Variants in GRIK4 observed in about 807,000 individuals in gnomAD.
GRIK4 encodes glutamate ionotropic receptor kainate type subunit 4, also known as glutamate receptor ionotropic, kainate 4.
A neutral mutation model predicts 104.9 loss-of-function variants in GRIK4; 40 were observed. That is an observed-to-expected ratio of 0.38 (90% CI 0.30 to 0.50). GRIK4 has a LOEUF of 0.50. Among genes scored for constraint, GRIK4 ranks in the 20% least tolerant of loss-of-function variants. The probability of loss-of-function intolerance (pLI) is 0.93; values close to 1 mark genes in which losing one functional copy is unlikely to be tolerated. For missense variants in GRIK4, 1,047 were observed against 1,308.1 expected, an observed-to-expected ratio of 0.80 and a Z score of 3.08; for synonymous variants, 485 against 524.9, an observed-to-expected ratio of 0.92 and a Z score of 1.04.
intron 3 of GRIK4, among the ~76,000 whole-genome samples, chr11:120,677,281 C>T (rs1950113318): frequency 6.6e-6 from 1 of 152,158 alleles, no homozygotes; most frequent in African/African-American, 2.4e-5. Context: ...GTGTGGGCTC[C>T]GCTGGGCTCC....
At position 120,609,549 on chromosome 11, in the gene GRIK4, CAG is replaced by C. The variant is rs572040641; in HGVS notation, c.-158-44133_-158-44132del. Reference sequence around the variant, plus strand: ...TTTTTTTTTTTTTTTTTTTTTGAGACAGAGTTTTGCTCTGTTGCCCAGGCTGG... The same window carrying C: ...TTTTTTTTTTTTTTTTTTTTTGAGACAGTTTTGCTCTGTTGCCCAGGCTGG... On this transcript the variant is annotated intron_variant, in intron 1 of 20. Transcript: ENST00000527524. Among the ~76,000 whole-genome samples, 146 of 81,114 alleles carry C rather than the reference CAG, an allele frequency of 1.8e-3. 1 individual carries two copies. In the South Asian group the frequency reaches 0.022, roughly 12 times the overall value. 53.2% of individuals were successfully genotyped at this position (81,114 alleles called of 152,430 possible). A position where few individuals can be genotyped will look rare whatever the true frequency, so the allele number is the denominator to read the frequency against.
chr11:120,595,745 TC>T (rs1211843151), intron 1 of GRIK4, among the ~76,000 whole-genome samples: 5 of 152,218 alleles, frequency 3.3e-5, no homozygotes, highest in Non-Finnish European at 7.3e-5. Context: ...TTCCACTTCT[TC>T]CTGGAAGCAT....
At chr11:120,774,758 A>G (rs1047151223) in intron 3 of GRIK4, among the ~76,000 whole-genome samples, 1 of 152,184 alleles carries the variant, frequency 6.6e-6, no homozygotes, top group Admixed American at 6.5e-5. Flanking sequence ...GAAAGATATC[A>G]GGGTGGCTGG....
intron 3 of GRIK4, among the ~76,000 whole-genome samples, chr11:120,722,070 T>C (rs1320599532): frequency 1.3e-5 from 2 of 152,176 alleles, no homozygotes; most frequent in Non-Finnish European, 2.9e-5. Context: ...TGTCTGGGCC[T>C]GGGGTCCAGT....
intron 1 of GRIK4, among the ~76,000 whole-genome samples, chr11:120,545,623 T>G (rs893026753): frequency 2.0e-5 from 3 of 152,230 alleles, no homozygotes; most frequent in African/African-American, 7.2e-5. Context: ...GATTTTAATA[T>G]GCACCATTTG....
intron 3 of GRIK4, among the ~76,000 whole-genome samples, chr11:120,747,540 G>A (rs1349170689): frequency 6.6e-6 from 1 of 152,204 alleles, no homozygotes; most frequent in Non-Finnish European, 1.5e-5. Flanking sequence ...GTAGTTTGAG[G>A]CTGATGAAAA....
intron 13 of GRIK4, among the ~76,000 whole-genome samples, chr11:120,928,058 T>G (rs1943391895): frequency 6.6e-6 from 1 of 151,508 alleles, no homozygotes; most frequent in African/African-American, 2.4e-5. Context: ...CTACTAAACA[T>G]ACAAAAATTA....
Position 120,905,536 on chromosome 11 carries a change from A to AG in GRIK4, c.1476+46dup. ...GATCTGGGCCTGAGGGTGGGCTGGGAGGGATTGGAAGAGCATGAGGTTGTG... is the reference window on the plus strand; with the variant it reads ...GATCTGGGCCTGAGGGTGGGCTGGGAGGGGATTGGAAGAGCATGAGGTTGTG... On this transcript the variant is annotated intron_variant, in intron 13 of 20. Coordinates refer to ENST00000527524, the MANE Select transcript of GRIK4 (RefSeq NM_014619.5). This position sits in a 1 kb window ranked among gnomAD's most constrained non-coding sequence, Gnocchi z 5.1. The AG allele has an allele frequency of 4.4e-6, 2 of 458,748 alleles. No individual in the cohort carries two copies. Among genetic ancestry groups the AG allele is most frequent in the Admixed American group, 2.2e-5 (1 of 45,236 alleles). The allele number at this position is 458,748 out of a possible 1,614,324, so 28.4% of individuals were successfully genotyped here.
At chr11:120,530,286 G>A (rs563250567) in intron 1 of GRIK4, among the ~76,000 whole-genome samples, 2 of 152,308 alleles carry the variant, frequency 1.3e-5, no homozygotes, top group African/African-American at 2.4e-5. Flanking sequence ...TGAATCGGTC[G>A]ATGGCCTGTG....
intron 19 of GRIK4, among the ~76,000 whole-genome samples, chr11:120,977,425 C>T (rs560630100): frequency 2.0e-5 from 3 of 152,150 alleles, no homozygotes; most frequent in Non-Finnish European, 4.4e-5. Flanking sequence ...TGATGAATGT[C>T]GATGTGCTGT....
chr11:120,570,264 A>AT (rs1404144160), intron 1 of GRIK4, among the ~76,000 whole-genome samples: 3 of 152,236 alleles, frequency 2.0e-5, no homozygotes, highest in African/African-American at 7.2e-5. Context: ...GTCAAATCAT[A>AT]TTTTAAAAGG....
chr11:120,739,328 C>T (rs1374292378), intron 3 of GRIK4, among the ~76,000 whole-genome samples: 1 of 152,246 alleles, frequency 6.6e-6, no homozygotes. Flanking sequence ...TGGGGCCAAT[C>T]TTAGCTGATC....
intron 3 of GRIK4, among the ~76,000 whole-genome samples, chr11:120,759,039 C>T (rs1407925750): frequency 6.6e-6 from 1 of 152,114 alleles, no homozygotes; most frequent in East Asian, 1.9e-4. Flanking sequence ...GTCAAGGGTA[C>T]TGTGGACAGG....
At chr11:120,671,666 A>G (rs1057065865) in intron 3 of GRIK4, among the ~76,000 whole-genome samples, 20 of 152,114 alleles carry the variant, frequency 1.3e-4, no homozygotes, top group African/African-American at 4.8e-4. Context: ...ATTTTCTCCC[A>G]TTCTGCAGGT....
chr11:120,911,403 T>G (rs1260144933), intron 13 of GRIK4, among the ~76,000 whole-genome samples: 1 of 149,296 alleles, frequency 6.7e-6, no homozygotes, highest in African/African-American at 2.4e-5. Flanking sequence ...CATGCCCGGC[T>G]AATTTTTGTA....
intron 3 of GRIK4, among the ~76,000 whole-genome samples, chr11:120,749,518 C>T (rs553994623): frequency 3.7e-4 from 57 of 152,258 alleles, no homozygotes; most frequent in African/African-American, 1.3e-3. Flanking sequence ...CAGAGCAATC[C>T]GTAGAGCTTT....
chr11:120,560,534 A>G (rs1246882359), intron 1 of GRIK4, among the ~76,000 whole-genome samples: 1 of 152,230 alleles, frequency 6.6e-6, no homozygotes, highest in Non-Finnish European at 1.5e-5. Flanking sequence ...ATGTGTGTAT[A>G]TGGTATAGCT....
intron 3 of GRIK4, among the ~76,000 whole-genome samples, chr11:120,668,170 G>A (rs1271470362): frequency 6.6e-6 from 1 of 151,920 alleles, no homozygotes; most frequent in Non-Finnish European, 1.5e-5. Context: ...TAAGTACATA[G>A]GTAGGTAGAT....
chr11:120,698,266 T>G (rs1218070946), intron 3 of GRIK4, among the ~76,000 whole-genome samples: 2 of 152,244 alleles, frequency 1.3e-5, no homozygotes, highest in Non-Finnish European at 2.9e-5. Flanking sequence ...TTTCAATGTT[T>G]AAATCCTTGG....
Sources: gnomAD v4.1 joint callset for allele counts (sites outside exome capture counted in the v4.1 genomes callset) on GRCh38, gnomAD v4.1.1 for gene constraint, Gnocchi (gnomAD v3.1) non-coding constraint, MANE v1.5 for transcripts, NCBI Gene and HGNC (gene_info 2026-07-23, HGNC 2026-07-21) for gene names.